The following SLC22A6 variants were observed in gnomAD, a reference collection of about 807,000 sequenced individuals.
The protein encoded by SLC22A6 is solute carrier family 22 member 6, also known as PAH transporter.
A neutral mutation model predicts 56.7 loss-of-function variants in SLC22A6; 45 were observed. The ratio of observed to expected loss-of-function variants is 0.79; its 90% CI spans 0.63 to 1.02. The LOEUF (loss-of-function observed/expected upper bound fraction) is 1.02. Ranked by LOEUF, SLC22A6 falls within the 50% of genes least tolerant of loss-of-function variation. SLC22A6 has a pLI of 0.00. For missense variants in SLC22A6, 606 were observed against 713.8 expected (o/e 0.85, Z 1.72); for synonymous variants, 291 against 295.9 (o/e 0.98, Z 0.17).
chr11:62,977,023 G>A (rs1410114028), intron 9 of SLC22A6, 142 bp from the exon 10 acceptor site: 2 of 1,505,334 alleles, frequency 1.3e-6, no homozygotes, highest in African/African-American at 2.8e-5. Flanking sequence ...CCTGGAGCTG[G>A]GATCCCCAGG....
intron 6 of SLC22A6, 59 bp downstream of exon 6, chr11:62,980,924 TTG>T: frequency 7.2e-7 from 1 of 1,381,516 alleles, no homozygotes; most frequent in South Asian, 1.3e-5. Flanking sequence ...CTTTCACCCA[TTG>T]TGTCTCCTCC....
intron 3 of SLC22A6, among the ~76,000 whole-genome samples, 156 bp from the exon 4 acceptor site, chr11:62,982,166 T>C (rs1320998929): frequency 1.3e-5 from 2 of 151,770 alleles, no homozygotes; most frequent in Non-Finnish European, 2.9e-5. Flanking sequence ...GGAATTTCAG[T>C]GGAGGTATGG....
intron 3 of SLC22A6, among the ~76,000 whole-genome samples, chr11:62,982,415 T>C (rs1324045967): frequency 2.0e-5 from 3 of 152,134 alleles, no homozygotes; most frequent in African/African-American, 4.8e-5. Context: ...TTCTCCATCC[T>C]GGAGTCTTGA....
At chr11:62,980,308 TAG>T (rs756594113) in intron 6 of SLC22A6, among the ~76,000 whole-genome samples, 1 of 151,942 alleles carries the variant, frequency 6.6e-6, no homozygotes, top group African/African-American at 2.4e-5. Flanking sequence ...GCTGGGAGAG[TAG>T]AGAGAGCCTT....
intron 3 of SLC22A6, among the ~76,000 whole-genome samples, chr11:62,982,364 C>T (rs1005681039): frequency 2.0e-5 from 3 of 152,164 alleles, no homozygotes; most frequent in Admixed American, 6.5e-5. Flanking sequence ...GGCTGGATTC[C>T]ACTCTCAGTG....
Position 62,981,872 on chromosome 11 carries a change from G to T in SLC22A6, c.767C>A (p.Ala256Glu). ...HWRHLQLLVSAPFFAFFIYSW... is the reference protein window; with the variant it reads ...HWRHLQLLVSEPFFAFFIYSW... ...GTAGATGAAGAAGGCAAAAAAAGGC[G>T]CAGAGACCAGTAGCTGCAGGTGGCG... The change falls in exon 4 of 10, where the codon GCG (alanine) becomes GAG (glutamate). Residue 256 changes from alanine (A) to glutamate (E), a missense_variant. By Grantham distance (107) the Ala-to-Glu change is moderately radical. Transcript: ENST00000360421. The T allele has an allele frequency of 2.5e-6, 4 of 1,613,232 alleles. No individual in the cohort carries two copies. The highest frequency in any genetic ancestry group is 1.7e-4 in the Middle Eastern group (1 of 6,050).
chr11:62,978,078 C>T (rs1227213386), intron 8 of SLC22A6, among the ~76,000 whole-genome samples: 1 of 152,124 alleles, frequency 6.6e-6, no homozygotes, highest in Non-Finnish European at 1.5e-5. Flanking sequence ...TAGTGCCTAC[C>T]ACAATGGCTT....
In SLC22A6 at chr11:62,981,024, G is replaced by A. The variant is rs762559277; in HGVS notation, c.998C>T (p.Pro333Leu). Reference sequence around the variant, plus strand: ...GCAGAGGAAGAGGTGGCGGAGGGTGGGGCAGCGCAGCAGCTCCATGGCCGA... The same window carrying A: ...GCAGAGGAAGAGGTGGCGGAGGGTGAGGCAGCGCAGCAGCTCCATGGCCGA... ...QASAMELLRC[P>L]TLRHLFLCLS... The change falls in exon 6 of 10, where the codon CCC (proline) becomes CTC (leucine). Residue 333 changes from proline (P) to leucine (L), a missense_variant. Physicochemically the swap from Pro to Leu is moderately conservative, Grantham distance 98. Coordinates refer to ENST00000360421, the MANE Select transcript of SLC22A6 (RefSeq NM_153276.3). 1 of 1,611,090 alleles carries A rather than the reference G, an allele frequency of 6.2e-7. No homozygotes were observed. Among genetic ancestry groups the A allele is most frequent in the South Asian group, 1.1e-5 (1 of 90,834 alleles).
Position 62,979,763 on chromosome 11 carries a change from C to G in SLC22A6, c.1223G>C (p.Cys408Ser). 1 of 1,614,182 alleles carries G rather than the reference C, an allele frequency of 6.2e-7. No individual in the cohort carries two copies. Among genetic ancestry groups the G allele is most frequent in the Non-Finnish European group, 8.5e-7 (1 of 1,180,034 alleles). ...QMAALLLAGI[C>S]ILLNGVIPQD... Reference sequence around the variant, plus strand: ...GGGTATCACCCCATTGAGCAGGATGCAGATGCCTGCCAGCAGCAGTGCAGC... The same window carrying G: ...GGGTATCACCCCATTGAGCAGGATGGAGATGCCTGCCAGCAGCAGTGCAGC... Residue 408 changes from cysteine to serine, a missense_variant, in exon 7 of 10, where the codon TGC becomes TCC. Coordinates refer to ENST00000360421, the MANE Select transcript of SLC22A6 (RefSeq NM_153276.3).
chr11:62,984,174 C>T, intron 1 of SLC22A6, 127 bp from the exon 2 acceptor site: 1 of 1,247,542 alleles, frequency 8.0e-7, no homozygotes. Context: ...CTTTGCCTCT[C>T]TGGTCCTGAC....
rs2086199713 is a variant in SLC22A6, at chr11:62,977,212, G to A, written c.1537C>T (p.Pro513Ser). The change falls in exon 9 of 10, where the codon CCA becomes TCA. Residue 513 changes from proline (P) to serine (S), a missense_variant. Transcript: ENST00000360421. ...CTCTCCAGGTCCTGCACCGTGTCTGGCAGTGGCTGGCCCAGGGTCTCTGGC... is the reference window on the plus strand; with the variant it reads ...CTCTCCAGGTCCTGCACCGTGTCTGACAGTGGCTGGCCCAGGGTCTCTGGC... The part of the protein sequence containing the change: ...LLPETLGQPL[P>S]DTVQDLESRK... 3 of 1,614,192 alleles carry A rather than the reference G, an allele frequency of 1.9e-6. No homozygotes were observed. Among genetic ancestry groups the A allele is most frequent in the Non-Finnish European group, 2.5e-6 (3 of 1,180,036 alleles).
At chr11:62,981,768 C>T in intron 4 of SLC22A6, 74 bp downstream of exon 4, 1 of 1,422,866 alleles carries the variant, frequency 7.0e-7, no homozygotes, top group South Asian at 1.4e-5. Flanking sequence ...GTGTGCTGAG[C>T]TCTGGGAGAT....
In SLC22A6 at chr11:62,979,662, C is replaced by T. The variant is rs1412941364; in HGVS notation, c.1253-66G>A. 5 of 1,592,896 alleles carry T rather than the reference C, an allele frequency of 3.1e-6. No individual in the cohort carries two copies. In the East Asian group the frequency reaches 8.9e-5, roughly 28 times the overall value. On this transcript the variant is annotated intron_variant, in intron 7 of 9. Transcript: ENST00000360421. ...GAGGCTAGGAGGAATTGGCCCCCTC[C>T]CTTCTGAGATATTGGGTTATGTGTG...
Position 62,984,577 on chromosome 11 carries a change from CT to C in SLC22A6, c.113del (p.Gln38ArgfsTer84), listed in dbSNP as rs776831354. ...LLLMASHNTL[Q>X]NFTAAIPTHH... Reference sequence around the variant, plus strand: ...GGGTAGGGATGGCAGCAGTGAAGTTCTGCAGGGTGTTGTGAGAAGCCATCAG... The same window carrying C: ...GGGTAGGGATGGCAGCAGTGAAGTTCGCAGGGTGTTGTGAGAAGCCATCAG... On this transcript the variant is annotated frameshift_variant, in exon 1 of 10. Coordinates refer to ENST00000360421, the MANE Select transcript of SLC22A6 (RefSeq NM_153276.3). LOFTEE classifies it high-confidence loss of function. 1 of 1,613,544 alleles carries C rather than the reference CT, an allele frequency of 6.2e-7. No individual in the cohort carries two copies. Among genetic ancestry groups the C allele is most frequent in the South Asian group, 1.1e-5 (1 of 91,016 alleles).
At position 62,983,246 on chromosome 11, in the gene SLC22A6, A is replaced by G. The variant is rs1002952689; in HGVS notation, c.628+291T>C. Among the ~76,000 whole-genome samples, 1 of 151,990 alleles carries G rather than the reference A, an allele frequency of 6.6e-6. No homozygotes were observed. Among genetic ancestry groups the G allele is most frequent in the Non-Finnish European group, 1.5e-5 (1 of 68,002 alleles). ...TTTTTAGTAGAGACGGGGTTTCACC[A>G]TGTTAGCCAGGATGGTCTCGATCTC... is the stretch of plus-strand genomic sequence containing the variant. On this transcript the variant is annotated intron_variant, in intron 3 of 9. Transcript: ENST00000360421. This position sits in a 1 kb window ranked among gnomAD's most constrained non-coding sequence, Gnocchi z 4.5.
In SLC22A6 at chr11:62,983,221, T is replaced by A. The variant is rs1452569419; in HGVS notation, c.628+316A>T. Reference sequence around the variant, plus strand: ...CATCACACCTGGCTAATTTTTTGTATTTTTAGTAGAGACGGGGTTTCACCA... The same window carrying A: ...CATCACACCTGGCTAATTTTTTGTAATTTTAGTAGAGACGGGGTTTCACCA... On this transcript the variant is annotated intron_variant, in intron 3 of 9. Transcript: ENST00000360421. The surrounding 1 kb of genome is among the most constrained non-coding windows in gnomAD (Gnocchi z 4.5). Among the ~76,000 whole-genome samples the A allele has an allele frequency of 1.3e-5, 2 of 152,128 alleles. No homozygotes were observed. The highest frequency in any genetic ancestry group is 2.9e-5 in the Non-Finnish European group (2 of 68,026).
At chr11:62,980,279 C>A (rs2086238029) in intron 6 of SLC22A6, among the ~76,000 whole-genome samples, 1 of 152,140 alleles carries the variant, frequency 6.6e-6, no homozygotes, top group African/African-American at 2.4e-5. Context: ...ATACCCAAGC[C>A]ATCTTCAGGG....
rs1289616706 is a variant in SLC22A6 at position 62,979,489 on chromosome 11, G to T, written c.1360C>A (p.Arg454=). ...TTCTCCCATTAGGCTCCCACTCACC[G>T]GATCATTGTGGGATACAGTTCCCCA... ...YTGELYPTMI[R]QTGMGMGSTM... is the part of the protein sequence containing the mutation. The change falls in exon 8 of 10, where the codon CGG becomes AGG. Residue 454 remains arginine, a splice_region_variant and synonymous_variant. Coordinates refer to ENST00000360421, the MANE Select transcript of SLC22A6 (RefSeq NM_153276.3). The T allele has an allele frequency of 6.3e-7, 1 of 1,579,430 alleles. No individual in the cohort carries two copies. Among genetic ancestry groups the T allele is most frequent in the Non-Finnish European group, 8.7e-7 (1 of 1,148,164 alleles).
intron 3 of SLC22A6, among the ~76,000 whole-genome samples, chr11:62,982,723 A>T (rs1350780013): frequency 1.3e-5 from 2 of 152,204 alleles, no homozygotes; most frequent in African/African-American, 4.8e-5. Context: ...GGGTTGATCC[A>T]TCAGAGGATG....
Sources: gnomAD v4.1 joint callset for allele counts (sites outside exome capture counted in the v4.1 genomes callset) on GRCh38, gnomAD v4.1.1 for gene constraint, Gnocchi (gnomAD v3.1) non-coding constraint, MANE v1.5 for transcripts, NCBI Gene and HGNC (gene_info 2026-07-23, HGNC 2026-07-21) for gene names.